Variants in SUGCT observed in about 807,000 individuals in gnomAD.
SUGCT encodes the protein succinyl-CoA:glutarate CoA-transferase.
A neutral mutation model predicts 55.0 loss-of-function variants in SUGCT; 41 were observed. That is an observed-to-expected ratio of 0.74 (90% confidence interval 0.58 to 0.97). SUGCT has a LOEUF of 0.97. SUGCT is among the 50% of genes least tolerant of loss of function. The probability of loss-of-function intolerance (pLI) is 0.00; values close to 1 mark genes in which losing one functional copy is unlikely to be tolerated. For synonymous variants in SUGCT, 187 were observed against 200.4 expected (o/e 0.93, Z 0.56); for missense variants, 568 against 547.8 (o/e 1.04, Z -0.37).
chr7:40,361,671 A>G (rs1798161335), intron 9 of SUGCT, among the ~76,000 whole-genome samples: 2 of 152,156 alleles, frequency 1.3e-5, no homozygotes, highest in Admixed American at 6.5e-5. Context: ...AAAGCAAGCA[A>G]CATTTTATTT....
the SUGCT span, among the ~76,000 whole-genome samples, chr7:41,036,217 T>A: frequency 6.6e-6 from 1 of 152,186 alleles, no homozygotes; most frequent in Non-Finnish European, 1.5e-5. Context: ...AATGACTGAA[T>A]GAGTGAATGG....
intron 7 of SUGCT, among the ~76,000 whole-genome samples, chr7:40,248,890 A>G (rs370362032): frequency 0.038 from 4,419 of 116,314 alleles, 90 homozygotes; most frequent in African/African-American, 0.072. Flanking sequence ...GCGCGCTCGC[A>G]CACACACACA....
At chr7:41,035,971 G>C in the SUGCT span, among the ~76,000 whole-genome samples, 1 of 152,212 alleles carries the variant, frequency 6.6e-6, no homozygotes, top group Non-Finnish European at 1.5e-5. Context: ...CATGCCTTTG[G>C]AACCCCCTGT....
At chr7:40,555,010 T>C (rs1795487876) in intron 12 of SUGCT, among the ~76,000 whole-genome samples, 1 of 152,224 alleles carries the variant, frequency 6.6e-6, no homozygotes, top group South Asian at 2.1e-4. Context: ...TCATAAACTA[T>C]ACTTTAATAT....
chr7:40,335,722 A>C (rs111795759), intron 9 of SUGCT, among the ~76,000 whole-genome samples: 3 of 152,218 alleles, frequency 2.0e-5, no homozygotes, highest in African/African-American at 7.2e-5. Context: ...CTCTTTTCCT[A>C]ATTGAATATG....
chr7:40,431,581 A>G (rs756255991), intron 9 of SUGCT, among the ~76,000 whole-genome samples: 1 of 151,966 alleles, frequency 6.6e-6, no homozygotes, highest in Non-Finnish European at 1.5e-5. Context: ...CATAGGCTAT[A>G]TTTTCTTTTA....
intron 12 of SUGCT, among the ~76,000 whole-genome samples, chr7:40,646,579 T>C (rs991778127): frequency 1.1e-4 from 17 of 152,198 alleles, no homozygotes; most frequent in African/African-American, 3.1e-4. Flanking sequence ...AGTGCTTTCC[T>C]GTTCAGGACC....
chr7:40,657,481 A>T (rs1420972031), intron 12 of SUGCT, among the ~76,000 whole-genome samples: 1 of 151,232 alleles, frequency 6.6e-6, no homozygotes, highest in Non-Finnish European at 1.5e-5. Context: ...AGGCCCTGTA[A>T]CATTTAATTA....
the SUGCT span, among the ~76,000 whole-genome samples, chr7:40,948,824 T>C: frequency 6.6e-6 from 1 of 152,216 alleles, no homozygotes; most frequent in Non-Finnish European, 1.5e-5. Flanking sequence ...ATGGTGTATA[T>C]GTGCCACATT....
chr7:40,581,913 A>C (rs541637146), intron 12 of SUGCT, among the ~76,000 whole-genome samples: 2 of 152,346 alleles, frequency 1.3e-5, no homozygotes, highest in South Asian at 4.1e-4. Flanking sequence ...TATTGGGCAC[A>C]GAAATAAATG....
rs576050201 is a variant in SUGCT at position 40,774,150 on chromosome 7, T to A, written c.1153+24653T>A. 1.1e-4 allele frequency among the ~76,000 whole-genome samples: 17 copies of A among 152,306 alleles called. No individual in the cohort carries two copies. The East Asian group carries it at 3.3e-3, about 29-fold the overall frequency. On this transcript the variant is annotated intron_variant, in intron 13 of 13. Transcript: ENST00000335693. ...ACCAAGATTGTGTAAAGCTTATGAT[T>A]ATTTCCAAGTTTTGGAAATCAGCCT...
the SUGCT span, among the ~76,000 whole-genome samples, chr7:40,987,095 G>A: frequency 6.6e-6 from 1 of 152,170 alleles, no homozygotes; most frequent in Non-Finnish European, 1.5e-5. Context: ...GGTAGAGCTG[G>A]ATGAAGAAGC....
chr7:40,508,169 A>G (rs192335209), intron 12 of SUGCT, among the ~76,000 whole-genome samples: 2 of 152,284 alleles, frequency 1.3e-5, no homozygotes, highest in East Asian at 3.9e-4. Flanking sequence ...TTCCTGCTCT[A>G]AGAGTGAGAA....
intron 6 of SUGCT, among the ~76,000 whole-genome samples, chr7:40,235,799 G>A (rs982187626): frequency 2.0e-5 from 3 of 152,162 alleles, no homozygotes; most frequent in African/African-American, 4.8e-5. Context: ...ATGGTATTGT[G>A]TTTCTATTGT....
chr7:40,351,147 T>C (rs112427354), intron 9 of SUGCT, among the ~76,000 whole-genome samples: 2,690 of 152,236 alleles, frequency 0.018, 72 homozygotes, highest in African/African-American at 0.061. Flanking sequence ...GTAAGCCTTC[T>C]TAAGAACTCT....
chr7:40,678,622 C>G (rs1283623856), intron 12 of SUGCT, among the ~76,000 whole-genome samples: 1 of 151,992 alleles, frequency 6.6e-6, no homozygotes, highest in East Asian at 1.9e-4. Context: ...AAATCATAAG[C>G]AAAATTCCAC....
At chr7:40,655,394 G>C (rs1240504329) in intron 12 of SUGCT, among the ~76,000 whole-genome samples, 1 of 152,150 alleles carries the variant, frequency 6.6e-6, no homozygotes, top group African/African-American at 2.4e-5. Flanking sequence ...TGTACTGGCT[G>C]GGTTTCACTG....
At chr7:40,385,062 G>A (rs1785048707) in intron 9 of SUGCT, among the ~76,000 whole-genome samples, 1 of 152,148 alleles carries the variant, frequency 6.6e-6, no homozygotes, top group South Asian at 2.1e-4. Context: ...AGATAAAGGC[G>A]AGACGATTGT....
intron 9 of SUGCT, among the ~76,000 whole-genome samples, chr7:40,448,691 C>A (rs914051849): frequency 1.3e-5 from 2 of 151,998 alleles, no homozygotes; most frequent in African/African-American, 4.8e-5. Flanking sequence ...ACAAAAAGTA[C>A]AAAATTAGCT....
Sources: allele counts gnomAD v4.1 joint callset (sites outside exome capture counted in the v4.1 genomes callset), GRCh38; gene constraint gnomAD v4.1.1; transcripts MANE v1.5; gene names NCBI Gene and HGNC (gene_info 2026-07-23, HGNC 2026-07-21).